Variants in APBA1 observed in about 807,000 individuals in gnomAD.
APBA1 encodes the protein amyloid beta precursor protein binding family A member 1, also known as amyloid-beta A4 precursor protein-binding family A member 1.
In APBA1, 55 loss-of-function variants were observed where a neutral mutation model predicts 86.6. The observed-to-expected ratio is 0.64, with a 90% confidence interval of 0.51 to 0.80. The LOEUF (loss-of-function observed/expected upper bound fraction) is 0.80. APBA1 is among the 30% of genes least tolerant of loss of function. The probability of loss-of-function intolerance (pLI) is 0.00; values close to 1 mark genes in which losing one functional copy is unlikely to be tolerated. For synonymous variants in APBA1, 511 were observed against 493.9 expected, an observed-to-expected ratio of 1.03 and a Z score of -0.46; for missense variants, 1,090 against 1,183.0, an observed-to-expected ratio of 0.92 and a Z score of 1.15.
intron 9 of APBA1, 84 bp downstream of exon 9, chr9:69,452,038 T>A: frequency 7.5e-7 from 1 of 1,328,824 alleles, no homozygotes; most frequent in Non-Finnish European, 1.1e-6. Flanking sequence ...TTGATCTCCC[T>A]TCACTTCCGC....
chr9:69,597,384 T>C (rs930824532), intron 1 of APBA1, among the ~76,000 whole-genome samples: 2 of 152,214 alleles, frequency 1.3e-5, no homozygotes, highest in African/African-American at 4.8e-5. Flanking sequence ...GTAAATTTGT[T>C]TGAGTTCATT....
intron 11 of APBA1, among the ~76,000 whole-genome samples, chr9:69,440,737 AG>A (rs781078235): frequency 1.2e-4 from 19 of 152,256 alleles, no homozygotes; most frequent in Non-Finnish European, 1.9e-4. Context: ...TTCCCGGGTG[AG>A]GCGATGCCTT....
intron 1 of APBA1, among the ~76,000 whole-genome samples, chr9:69,581,822 G>A (rs1237823802): frequency 1.3e-5 from 2 of 152,098 alleles, no homozygotes; most frequent in Non-Finnish European, 2.9e-5. Flanking sequence ...GTCTCTTTGA[G>A]GGTAATTTGA....
chr9:69,548,493 G>A (rs113338179), intron 1 of APBA1, among the ~76,000 whole-genome samples: 1 of 152,372 alleles, frequency 6.6e-6, no homozygotes, highest in African/African-American at 2.4e-5. Context: ...GGCAGAGGCT[G>A]CAAGCTCTTC....
intron 1 of APBA1, among the ~76,000 whole-genome samples, chr9:69,551,244 A>G (rs181532826): frequency 6.6e-6 from 1 of 152,208 alleles, no homozygotes; most frequent in African/African-American, 2.4e-5. Context: ...ACAACTTAAC[A>G]TCAATATTTT....
intron 5 of APBA1, among the ~76,000 whole-genome samples, chr9:69,459,659 G>A (rs550166459): frequency 4.1e-4 from 62 of 152,318 alleles, no homozygotes; most frequent in African/African-American, 1.3e-3. Context: ...AAAGCAGAGC[G>A]TGGGGCTGGA....
At position 69,430,773 on chromosome 9, in the gene APBA1, A is replaced by G. The variant is rs1834576072; in HGVS notation, c.*554T>C. ...ACGTTGAAATTAGAACTAGCAATAGAAGAGGTTTAAGGTTGGCTCAGAGAT... is the reference window on the plus strand; with the variant it reads ...ACGTTGAAATTAGAACTAGCAATAGGAGAGGTTTAAGGTTGGCTCAGAGAT... On this transcript the variant is annotated 3_prime_UTR_variant, in exon 13 of 13. Transcript: ENST00000265381. 6.6e-6 allele frequency: 1 copy of G among 152,652 alleles called. No individual in the cohort carries two copies. Among genetic ancestry groups the G allele is most frequent in the Non-Finnish European group, 1.5e-5 (1 of 68,096 alleles). The allele number at this position is 152,652 out of a possible 1,614,324, so 9.5% of individuals were successfully genotyped here.
chr9:69,496,684 G>A (rs1049484768), intron 2 of APBA1, among the ~76,000 whole-genome samples: 1 of 152,058 alleles, frequency 6.6e-6, no homozygotes, highest in African/African-American at 2.4e-5. Context: ...ACTGCAGGAG[G>A]TATCTCTTCC....
chr9:69,466,223 G>C (rs1835277768), intron 5 of APBA1, among the ~76,000 whole-genome samples: 1 of 152,168 alleles, frequency 6.6e-6, no homozygotes, highest in Non-Finnish European at 1.5e-5. Flanking sequence ...GCCTGAGGAG[G>C]AAGCCATGAG....
intron 1 of APBA1, among the ~76,000 whole-genome samples, chr9:69,532,713 C>G (rs1374394818): frequency 6.6e-6 from 1 of 152,190 alleles, no homozygotes; most frequent in African/African-American, 2.4e-5. Flanking sequence ...GTGTACAATA[C>G]CAAACCTCTT....
rs1469731502 is a variant in APBA1 at position 69,428,629 on chromosome 9, T to C, written c.*2698A>G. The C allele has an allele frequency of 6.6e-6, 1 of 152,150 alleles. No individual in the cohort carries two copies. The highest frequency in any genetic ancestry group is 2.4e-5 in the African/African-American group (1 of 41,436). 9.4% of individuals were successfully genotyped at this position (152,150 alleles called of 1,614,324 possible). A position where few individuals can be genotyped will look rare whatever the true frequency, so the allele number is the denominator to read the frequency against. ...CCCTGTACATAGCCTTCCCATTACA[T>C]GGGGTATTTAGATATTTACATGTAT... On this transcript the variant is annotated 3_prime_UTR_variant, in exon 13 of 13. Transcript: ENST00000265381.
chr9:69,656,499 G>A (rs554400509), intron 1 of APBA1, among the ~76,000 whole-genome samples: 1 of 152,186 alleles, frequency 6.6e-6, no homozygotes, highest in Non-Finnish European at 1.5e-5. Flanking sequence ...CGCAGATGAA[G>A]TTAAGAACAG....
At chr9:69,539,377 TG>T (rs1201823447) in intron 1 of APBA1, among the ~76,000 whole-genome samples, 1 of 152,238 alleles carries the variant, frequency 6.6e-6, no homozygotes, top group East Asian at 1.9e-4. Context: ...TTCTTCCAGT[TG>T]CTCAGACAAA....
chr9:69,612,256 G>A (rs1457752919), intron 1 of APBA1, among the ~76,000 whole-genome samples: 2 of 151,974 alleles, frequency 1.3e-5, no homozygotes, highest in East Asian at 3.9e-4. Context: ...TTAAAATGAT[G>A]ACTAGTTTTG....
chr9:69,512,911 A>T (rs917664318), intron 2 of APBA1, among the ~76,000 whole-genome samples: 1 of 152,176 alleles, frequency 6.6e-6, no homozygotes, highest in Non-Finnish European at 1.5e-5. Context: ...GCATACATGG[A>T]GAACTAGTGT....
chr9:69,634,437 A>C (rs1823114424), intron 1 of APBA1, among the ~76,000 whole-genome samples: 1 of 152,222 alleles, frequency 6.6e-6, no homozygotes, highest in Non-Finnish European at 1.5e-5. Flanking sequence ...TGAGGTCCTA[A>C]ATAAACTTGA....
intron 1 of APBA1, among the ~76,000 whole-genome samples, chr9:69,583,423 G>A (rs1471319186): frequency 6.6e-6 from 1 of 152,140 alleles, no homozygotes; most frequent in East Asian, 1.9e-4. Context: ...ACCCTGTACA[G>A]AAATCCTGAG....
chr9:69,537,152 A>G (rs1836525912), intron 1 of APBA1, among the ~76,000 whole-genome samples: 4 of 151,668 alleles, frequency 2.6e-5, no homozygotes, highest in Admixed American at 6.6e-5. Flanking sequence ...GTGACCATCA[A>G]CATATTTTTC....
At chr9:69,455,919 C>T (rs1349534100) in intron 8 of APBA1, among the ~76,000 whole-genome samples, 1 of 152,158 alleles carries the variant, frequency 6.6e-6, no homozygotes, top group Non-Finnish European at 1.5e-5. Flanking sequence ...AGGTCACCTC[C>T]TCAAGTGAGG....
Sources: gnomAD v4.1 joint callset for allele counts (sites outside exome capture counted in the v4.1 genomes callset) on GRCh38, gnomAD v4.1.1 for gene constraint, MANE v1.5 for transcripts, NCBI Gene and HGNC (gene_info 2026-07-23, HGNC 2026-07-21) for gene names.